Variants in PTPRN2 observed in about 807,000 individuals in gnomAD.
PTPRN2 encodes protein tyrosine phosphatase receptor type N2, also known as receptor-type tyrosine-protein phosphatase N2.
Under a neutral mutation model 118.8 loss-of-function variants are expected in PTPRN2, and 74 were observed. That is an observed-to-expected ratio of 0.62 (90% CI 0.52 to 0.76). The LOEUF is 0.76. Among genes scored for constraint, PTPRN2 ranks in the 30% least tolerant of loss-of-function variants. The pLI is 0.00. For synonymous variants in PTPRN2, 641 were observed against 608.0 expected, an observed-to-expected ratio of 1.05 and a Z score of -0.80; for missense variants, 1,481 against 1,394.4, an observed-to-expected ratio of 1.06 and a Z score of -0.99.
intron 2 of PTPRN2, among the ~76,000 whole-genome samples, chr7:158,340,817 T>G: frequency 2.5e-5 from 2 of 80,518 alleles, no homozygotes; most frequent in African/African-American, 5.0e-5. Flanking sequence ...CCCACACATG[T>G]CACTCACACC....
chr7:158,406,301 G>C (rs1239628941), intron 2 of PTPRN2, among the ~76,000 whole-genome samples: 5 of 126,890 alleles, frequency 3.9e-5, no homozygotes, highest in Non-Finnish European at 8.4e-5. Flanking sequence ...GCTCATCCGT[G>C]AGACATTTGG....
Position 157,838,642 on chromosome 7 carries a change from C to T in PTPRN2, c.1788+60031G>A, listed in dbSNP as rs563158753. Among the ~76,000 whole-genome samples, 224 of 64,708 alleles carry T rather than the reference C, an allele frequency of 3.5e-3. 1 individual carries two copies. Among genetic ancestry groups the T allele is most frequent in the East Asian group, 6.5e-3 (12 of 1,846 alleles). 42.5% of individuals were successfully genotyped at this position (64,708 alleles called of 152,430 possible). On this transcript the variant is annotated intron_variant, in intron 12 of 22. Transcript: ENST00000389418. ...CCAGTTCCTCTCGTAGTGGATGGCA[C>T]GGGAGAAAGCTCCTCTCCGCCGTGG...
rs187933555 is a variant in PTPRN2, at chr7:157,920,476, C to G, written c.1724-21739G>C. ...CAAAGGCTCTGAGCCTACACCAAGG[C>G]CCCCCATGTTGTCTGAACGTCCTGC... On this transcript the variant is annotated intron_variant, in intron 11 of 22. Coordinates refer to ENST00000389418, the MANE Select transcript of PTPRN2 (RefSeq NM_002847.5). Among the ~76,000 whole-genome samples the G allele has an allele frequency of 5.6e-3, 847 of 152,300 alleles. 5 individuals carry two copies. The highest frequency in any genetic ancestry group is 9.1e-3 in the South Asian group (44 of 4,824).
intron 12 of PTPRN2, among the ~76,000 whole-genome samples, chr7:157,761,946 C>T (rs1313424830): frequency 2.0e-5 from 3 of 152,210 alleles, no homozygotes; most frequent in African/African-American, 7.2e-5. Context: ...CATGAACAGA[C>T]ACTTCTCAAA....
rs112116142 is a variant in PTPRN2 at position 158,120,436 on chromosome 7, A to G, written c.1557-9521T>C. ...TGACGTGTGGCTGCTCCCCACATCC[A>G]AGGCAGTGTACCAGCCTTCGTCCAA... On this transcript the variant is annotated intron_variant, in intron 9 of 22. Transcript: ENST00000389418. Among the ~76,000 whole-genome samples, 523 of 152,268 alleles carry G rather than the reference A, an allele frequency of 3.4e-3. 5 individuals carry two copies. Among genetic ancestry groups the G allele is most frequent in the African/African-American group, 0.012 (502 of 41,558 alleles).
chr7:157,643,872 G>A (rs1367498539), intron 14 of PTPRN2, among the ~76,000 whole-genome samples: 1 of 152,236 alleles, frequency 6.6e-6, no homozygotes, highest in Non-Finnish European at 1.5e-5. Context: ...AGTCCGGGCT[G>A]TGGCAGGTGA....
At chr7:158,392,628 C>G (rs1025625845) in intron 2 of PTPRN2, among the ~76,000 whole-genome samples, 1 of 152,174 alleles carries the variant, frequency 6.6e-6, no homozygotes, top group African/African-American at 2.4e-5. Context: ...CTGACCACAT[C>G]AAGGTGCTAC....
At chr7:158,187,100 G>A (rs11769916) in intron 5 of PTPRN2, among the ~76,000 whole-genome samples, 95,221 of 152,082 alleles carry the variant, frequency 0.63, 30,782 homozygotes, top group East Asian at 0.79. Flanking sequence ...TGCAGAAGTC[G>A]TAACGACACC....
chr7:158,494,652 G>A (rs1226928171), intron 1 of PTPRN2, among the ~76,000 whole-genome samples: 4 of 152,148 alleles, frequency 2.6e-5, no homozygotes, highest in Admixed American at 2.6e-4. Context: ...GAATGACCAA[G>A]GCCCTGGGAT....
At chr7:158,254,447 T>G (rs1301095119) in intron 3 of PTPRN2, among the ~76,000 whole-genome samples, 1 of 10,812 alleles carries the variant, frequency 9.2e-5, no homozygotes, top group Non-Finnish European at 1.5e-4. Flanking sequence ...CATCTCCACG[T>G]TCAGGAGCAT....
chr7:158,492,411 CCT>C (rs1457538402), intron 1 of PTPRN2, among the ~76,000 whole-genome samples: 1 of 152,190 alleles, frequency 6.6e-6, no homozygotes, highest in Non-Finnish European at 1.5e-5. Flanking sequence ...GAAGAAAGCC[CCT>C]GTTTTCTTCC....
chr7:158,255,377 G>A (rs576773828), intron 3 of PTPRN2, among the ~76,000 whole-genome samples: 9 of 152,268 alleles, frequency 5.9e-5, no homozygotes, highest in East Asian at 1.9e-4. Flanking sequence ...AGGAGTCCAC[G>A]GCCACAGGGA....
chr7:157,637,653 T>G (rs1804401504), intron 14 of PTPRN2, among the ~76,000 whole-genome samples: 1 of 152,188 alleles, frequency 6.6e-6, no homozygotes, highest in Non-Finnish European at 1.5e-5. Flanking sequence ...CAGACTCCTT[T>G]GCTGGCACCC....
chr7:157,705,523 G>A (rs1215059014), intron 12 of PTPRN2, among the ~76,000 whole-genome samples: 2 of 152,134 alleles, frequency 1.3e-5, no homozygotes, highest in Non-Finnish European at 2.9e-5. Context: ...AGATCAACGC[G>A]GATCACATCC....
At chr7:158,441,047 G>A (rs981521158) in intron 2 of PTPRN2, among the ~76,000 whole-genome samples, 1 of 49,508 alleles carries the variant, frequency 2.0e-5, no homozygotes, top group African/African-American at 5.0e-5. Context: ...TAGTAGTGAT[G>A]GTGGTAGTGA....
chr7:158,572,505 C>G (rs1413427340), intron 1 of PTPRN2, among the ~76,000 whole-genome samples: 1 of 152,144 alleles, frequency 6.6e-6, no homozygotes, highest in Non-Finnish European at 1.5e-5. Context: ...CTGGGTGCAG[C>G]CTGCTGGGTC....
chr7:158,359,291 C>T (rs1056668493), intron 2 of PTPRN2, among the ~76,000 whole-genome samples: 4 of 152,228 alleles, frequency 2.6e-5, no homozygotes, highest in Admixed American at 2.6e-4. Flanking sequence ...TGAACAGGAT[C>T]AGACCTCAAG....
intron 6 of PTPRN2, among the ~76,000 whole-genome samples, chr7:158,164,349 C>A (rs1477734156): frequency 1.4e-5 from 2 of 143,080 alleles, no homozygotes; most frequent in East Asian, 4.2e-4. Flanking sequence ...AGGAGTGGCG[C>A]GTAAGAAGGG....
intron 2 of PTPRN2, among the ~76,000 whole-genome samples, chr7:158,330,057 C>A (rs547693876): frequency 1.4e-5 from 2 of 146,848 alleles, no homozygotes; most frequent in Non-Finnish European, 1.5e-5. Context: ...TCACTCACAC[C>A]CACACTCTCA....
Sources: gnomAD v4.1 joint callset for allele counts (sites outside exome capture counted in the v4.1 genomes callset) on GRCh38, gnomAD v4.1.1 for gene constraint, MANE v1.5 for transcripts, NCBI Gene and HGNC (gene_info 2026-07-23, HGNC 2026-07-21) for gene names.